The following KIAA0753 variants were observed in gnomAD, a reference collection of about 807,000 sequenced individuals.
The protein encoded by KIAA0753 is KIAA0753.
Under a neutral mutation model 116.9 loss-of-function variants are expected in KIAA0753, and 114 were observed. The ratio of observed to expected loss-of-function variants is 0.98; its 90% confidence interval spans 0.84 to 1.14. The LOEUF is 1.14. Among genes scored for constraint, KIAA0753 ranks in the 50% most tolerant of loss-of-function variants. The pLI, the probability that KIAA0753 is intolerant of heterozygous loss-of-function variation, is 0.00. For missense variants in KIAA0753, 1,156 were observed against 1,172.4 expected, an observed-to-expected ratio of 0.99 and a Z score of 0.20; for synonymous variants, 405 against 413.1, an observed-to-expected ratio of 0.98 and a Z score of 0.24.
At chr17:6,622,755 C>G in intron 6 of KIAA0753, 127 bp downstream of exon 6, 2 of 777,070 alleles carry the variant, frequency 2.6e-6, no homozygotes, top group Non-Finnish European at 4.3e-6. Context: ...TTCTTCTGCC[C>G]TCTGCAAAGC....
intron 8 of KIAA0753, among the ~76,000 whole-genome samples, chr17:6,610,801 C>T (rs191946607): frequency 1.3e-5 from 2 of 152,148 alleles, no homozygotes; most frequent in African/African-American, 4.8e-5. Context: ...CCTCTCTGGG[C>T]CTTAGGTCTA....
chr17:6,603,414 CAG>C (rs1032157781), intron 12 of KIAA0753, among the ~76,000 whole-genome samples: 5 of 152,202 alleles, frequency 3.3e-5, no homozygotes, highest in African/African-American at 9.7e-5. Context: ...GGGGAGAAAG[CAG>C]AGTCTGTGAG....
chr17:6,624,032 C>T (rs1386032771), intron 4 of KIAA0753: 1 of 152,774 alleles, frequency 6.5e-6, no homozygotes, highest in Admixed American at 6.5e-5. Flanking sequence ...AAAGAATACA[C>T]TGCAAAACCT....
intron 18 of KIAA0753, among the ~76,000 whole-genome samples, chr17:6,588,400 A>G (rs1436402677): frequency 6.6e-6 from 1 of 152,186 alleles, no homozygotes; most frequent in East Asian, 1.9e-4. Context: ...AGCTAACAGG[A>G]AGGGTGATGA....
chr17:6,634,968 T>C (rs1472092978), intron 2 of KIAA0753, 43 bp downstream of exon 2: 16 of 1,271,056 alleles, frequency 1.3e-5, no homozygotes, highest in Non-Finnish European at 1.8e-5. Context: ...ATTTTATGTT[T>C]GAAATATTTA....
At chr17:6,627,326 G>A (rs1282316421) in intron 3 of KIAA0753, among the ~76,000 whole-genome samples, 1 of 152,000 alleles carries the variant, frequency 6.6e-6, no homozygotes, top group Non-Finnish European at 1.5e-5. Flanking sequence ...TATTTCTTAA[G>A]GTACCTTAAA....
chr17:6,632,047 T>C (rs1972049166), intron 2 of KIAA0753, among the ~76,000 whole-genome samples: 1 of 151,952 alleles, frequency 6.6e-6, no homozygotes, highest in South Asian at 2.1e-4. Flanking sequence ...CATGCTCAGC[T>C]AATTTTTTTG....
chr17:6,599,316 ACTCT>A lies in KIAA0753; in HGVS notation c.2089_2092del (p.Arg697SerfsTer11), dbSNP rs770325207. 1 of 1,607,588 alleles carries A rather than the reference ACTCT, an allele frequency of 6.2e-7. No homozygotes were observed. Among genetic ancestry groups the A allele is most frequent in the African/African-American group, 1.3e-5 (1 of 74,770 alleles). ...AATATTTGCTTCTGTAGTAGAATTG[ACTCT>A]CTATTAAAACAGACAAATACATTCA... On this transcript the variant is annotated frameshift_variant and splice_region_variant, in exon 14 of 19. Transcript: ENST00000361413. LOFTEE classifies it high-confidence loss of function.
intron 18 of KIAA0753, among the ~76,000 whole-genome samples, chr17:6,580,688 T>C (rs1317561166): frequency 6.6e-6 from 1 of 152,020 alleles, no homozygotes; most frequent in Non-Finnish European, 1.5e-5. Flanking sequence ...GGTGCTTAGA[T>C]CCCAAAGTCC....
Position 6,623,548 on chromosome 17 carries a change from C to T in KIAA0753, c.849G>A (p.Leu283=). The T allele has an allele frequency of 1.9e-6, 3 of 1,610,074 alleles. No individual in the cohort carries two copies. The highest frequency in any genetic ancestry group is 2.5e-6 in the Non-Finnish European group (3 of 1,177,838). The change falls in exon 5 of 19, where the codon TTG becomes TTA. Residue 283 remains leucine (L), a synonymous_variant. Transcript: ENST00000361413. ...TAATTTTATGTGGACTCAATTTATC[C>T]AATTCTTCCTGGATTTCTTTTACCT... ...QQQVKEIQEE[L]DKLSPHKIKH...
At chr17:6,620,665 T>C in intron 7 of KIAA0753, 123 bp downstream of exon 7, 1 of 883,948 alleles carries the variant, frequency 1.1e-6, no homozygotes, top group Middle Eastern at 3.3e-4. Flanking sequence ...CTGATCCTAG[T>C]TAAAGTTCAT....
intron 2 of KIAA0753, among the ~76,000 whole-genome samples, chr17:6,633,025 G>A (rs184115684): frequency 2.0e-5 from 3 of 152,106 alleles, no homozygotes; most frequent in Admixed American, 6.5e-5. Context: ...CAGATTACAT[G>A]ATGGTATCGA....
rs1472232427 is a variant in KIAA0753, at chr17:6,620,850, G to A, written c.1253C>T (p.Thr418Ile). 1.9e-6 allele frequency: 3 copies of A among 1,614,054 alleles called. No homozygotes were observed. The highest frequency in any genetic ancestry group is 2.5e-6 in the Non-Finnish European group (3 of 1,180,024). The change falls in exon 7 of 19, where the codon ACA becomes ATA. Residue 418 changes from threonine (T) to isoleucine (I), a missense_variant. Physicochemically the swap from Thr to Ile is moderately conservative, Grantham distance 89. Transcript: ENST00000361413. ...TTCCTGTGGGAATGTGTCCTTTGCTGTGAGGGGCCTCCTCTCACCCTTTGG... is the reference window on the plus strand; with the variant it reads ...TTCCTGTGGGAATGTGTCCTTTGCTATGAGGGGCCTCCTCTCACCCTTTGG... ...TSPKGERRPL[T>I]AKDTFPQETS...
chr17:6,636,276 G>A (rs1972314367), intron 1 of KIAA0753: 1 of 152,200 alleles, frequency 6.6e-6, no homozygotes, highest in Non-Finnish European at 1.5e-5. Context: ...GCAGATGGGA[G>A]GAGGCACATG....
intron 14 of KIAA0753, among the ~76,000 whole-genome samples, chr17:6,596,882 T>C (rs796755426): frequency 1.1e-4 from 16 of 152,324 alleles, no homozygotes; most frequent in African/African-American, 3.6e-4. Context: ...TCCAAAGCAA[T>C]TTTACATGCT....
Position 6,606,934 on chromosome 17 carries a change from T to C in KIAA0753, c.1948A>G (p.Arg650Gly), listed in dbSNP as rs1174384119. The C allele has an allele frequency of 7.4e-6, 12 of 1,614,020 alleles. No individual in the cohort carries two copies. The highest frequency in any genetic ancestry group is 6.7e-5 in the African/African-American group (5 of 74,922). ...RLDWLDAETS[R>G]RTKELNELKA... The stretch of plus-strand genomic sequence containing the variant: ...AGCTCATTCAGTTCCTTTGTTCTTC[T>C]AGAAGTTTCAGCATCAAGCCAATCA... The change falls in exon 12 of 19, where the codon AGA becomes GGA. Residue 650 changes from arginine to glycine, a missense_variant. Coordinates refer to ENST00000361413, the MANE Select transcript of KIAA0753 (RefSeq NM_014804.3).
At position 6,591,049 on chromosome 17, in the gene KIAA0753, A is replaced by AGAAGGAG. The variant is rs1555524031; in HGVS notation, c.2441-420_2441-419insCTCCTTC. Among the ~76,000 whole-genome samples the AGAAGGAG allele has an allele frequency of 6.1e-4, 18 of 29,670 alleles. 1 individual carries two copies. The highest frequency in any genetic ancestry group is 2.0e-3 in the African/African-American group (17 of 8,442). 19.5% of individuals were successfully genotyped at this position (29,670 alleles called of 152,430 possible). On this transcript the variant is annotated intron_variant, in intron 16 of 18. Transcript: ENST00000361413. ...AAGGAAGAAGGAAGAAGGAAGAAGA[A>AGAAGGAG]GAAGAAGAAGAAGAAGAAGAAGAAG...
Position 6,612,148 on chromosome 17 carries a change from T to C in KIAA0753, c.1316A>G (p.Asp439Gly), listed in dbSNP as rs761353839. Residue 439 changes from aspartate (D) to glycine (G), a missense_variant and splice_region_variant, in exon 8 of 19, where the codon GAT becomes GGT. Coordinates refer to ENST00000361413, the MANE Select transcript of KIAA0753 (RefSeq NM_014804.3). The stretch of plus-strand genomic sequence containing the variant: ...AAGCTCCGTATCGGGCTGATACTTA[T>C]CTACATGGAAATTTTTGAAAAACAA... ...RPSVAKQLLADKYQPDTELPE... is the reference protein window; with the variant it reads ...RPSVAKQLLAGKYQPDTELPE... 12 of 1,596,880 alleles carry C rather than the reference T, an allele frequency of 7.5e-6. No homozygotes were observed. The highest frequency in any genetic ancestry group is 4.5e-5 in the East Asian group (2 of 44,814).
In KIAA0753 at chr17:6,599,634, C is replaced by CT. The variant is rs934000807; in HGVS notation, c.2089-315dup. ...ATGAGGAAGTTGAACTACTTGATTT[C>CT]TTTTTTTTTTTTCCAGCCACTCCAC... On this transcript the variant is annotated intron_variant, in intron 13 of 18. Coordinates refer to ENST00000361413, the MANE Select transcript of KIAA0753 (RefSeq NM_014804.3). 8.1e-4 allele frequency among the ~76,000 whole-genome samples: 119 copies of CT among 146,242 alleles called. 1 individual carries two copies. In the East Asian group the frequency reaches 8.5e-3, roughly 10 times the overall value.
Sources: gnomAD v4.1 joint callset for allele counts (sites outside exome capture counted in the v4.1 genomes callset) on GRCh38, gnomAD v4.1.1 for gene constraint, MANE v1.5 for transcripts, NCBI Gene and HGNC (gene_info 2026-07-23, HGNC 2026-07-21) for gene names.